Variants in CAMK1D observed in about 807,000 individuals in gnomAD.
CAMK1D encodes the protein calcium/calmodulin dependent protein kinase ID, also known as calcium/calmodulin-dependent protein kinase type 1D.
In CAMK1D, 9 loss-of-function variants were observed where a neutral mutation model predicts 47.7. The observed-to-expected ratio is 0.19, with a 90% CI of 0.11 to 0.33. The LOEUF is 0.33. Ranked by LOEUF, CAMK1D falls within the 10% of genes least tolerant of loss-of-function variation. The pLI is 1.00. For synonymous variants in CAMK1D, 184 were observed against 184.9 expected, an observed-to-expected ratio of 0.99 and a Z score of 0.04; for missense variants, 291 against 488.7, an observed-to-expected ratio of 0.60 and a Z score of 3.81.
At chr10:12,715,100 G>T (rs1017675034) in intron 3 of CAMK1D, among the ~76,000 whole-genome samples, 2 of 151,846 alleles carry the variant, frequency 1.3e-5, no homozygotes, top group Non-Finnish European at 2.9e-5. Flanking sequence ...CCCCTCAGAC[G>T]CCCCCTACAC....
chr10:12,771,765 G>A (rs879682055), intron 5 of CAMK1D, among the ~76,000 whole-genome samples: 5 of 152,344 alleles, frequency 3.3e-5, no homozygotes, highest in Non-Finnish European at 5.9e-5. Context: ...CAGGTGCAGT[G>A]GCTCACGCCT....
chr10:12,627,589 G>A (rs933367699), intron 2 of CAMK1D, among the ~76,000 whole-genome samples: 1 of 151,972 alleles, frequency 6.6e-6, no homozygotes, highest in Non-Finnish European at 1.5e-5. Context: ...TGATTTGTAT[G>A]GCCACATATT....
intron 1 of CAMK1D, among the ~76,000 whole-genome samples, chr10:12,492,347 C>CAAAAAAAA (rs71384332): frequency 9.1e-6 from 1 of 110,432 alleles, no homozygotes; most frequent in African/African-American, 3.6e-5. Context: ...CACCTCATCT[C>CAAAAAAAA]AAAAAAAAAA....
Position 12,518,606 on chromosome 10 carries a change from C to T in CAMK1D, c.93-34619C>T, listed in dbSNP as rs1218629472. ...CAGATAAACAAGTGAACAAAGGTCT[C>T]TGGTTTTCCTAGGCAGAGGACCCTG... On this transcript the variant is annotated intron_variant, in intron 1 of 10. Transcript: ENST00000619168. 2.1e-5 allele frequency among the ~76,000 whole-genome samples: 2 copies of T among 95,592 alleles called. 1 individual carries two copies. Among genetic ancestry groups the T allele is most frequent in the Non-Finnish European group, 4.5e-5 (2 of 44,554 alleles). 62.7% of individuals were successfully genotyped at this position (95,592 alleles called of 152,430 possible).
intron 2 of CAMK1D, among the ~76,000 whole-genome samples, chr10:12,647,368 C>T (rs1049582618): frequency 2.0e-5 from 3 of 151,964 alleles, no homozygotes; most frequent in East Asian, 1.9e-4. Flanking sequence ...AGGCTGGTCT[C>T]GAACTCTTGA....
chr10:12,692,630 A>G (rs1303636744), intron 3 of CAMK1D, among the ~76,000 whole-genome samples: 1 of 152,252 alleles, frequency 6.6e-6, no homozygotes, highest in Non-Finnish European at 1.5e-5. Context: ...CTTCATAGCC[A>G]AAACAATTTA....
intron 1 of CAMK1D, among the ~76,000 whole-genome samples, chr10:12,422,818 G>A (rs568185446): frequency 3.3e-5 from 5 of 151,880 alleles, no homozygotes; most frequent in African/African-American, 4.8e-5. Flanking sequence ...GATTACAGGC[G>A]CCTGCCACCA....
intron 1 of CAMK1D, among the ~76,000 whole-genome samples, chr10:12,372,401 T>A (rs2724771): frequency 6.6e-6 from 1 of 152,208 alleles, no homozygotes; most frequent in Admixed American, 6.5e-5. Context: ...TCTTGAAGAA[T>A]TGGGATTTGA....
At chr10:12,733,734 A>T (rs1286430866) in intron 3 of CAMK1D, among the ~76,000 whole-genome samples, 3 of 152,198 alleles carry the variant, frequency 2.0e-5, no homozygotes, top group Non-Finnish European at 4.4e-5. Context: ...AGGGCGTGTT[A>T]GCATTTCTTT....
intron 2 of CAMK1D, among the ~76,000 whole-genome samples, chr10:12,581,291 A>T (rs1420376493): frequency 6.6e-6 from 1 of 152,086 alleles, no homozygotes; most frequent in Non-Finnish European, 1.5e-5. Context: ...TCGTTGATTG[A>T]TGGGCATTTG....
intron 1 of CAMK1D, among the ~76,000 whole-genome samples, chr10:12,516,266 G>A (rs182080288): frequency 2.0e-5 from 3 of 152,096 alleles, no homozygotes; most frequent in Admixed American, 6.5e-5. Context: ...GCAGCACCAC[G>A]CCTGGCTAAT....
intron 3 of CAMK1D, among the ~76,000 whole-genome samples, chr10:12,678,180 C>T (rs776168470): frequency 2.0e-5 from 3 of 152,082 alleles, no homozygotes; most frequent in African/African-American, 7.2e-5. Context: ...TTGTAGCATT[C>T]CATACATTTT....
At chr10:12,564,141 C>G (rs1180034858) in intron 2 of CAMK1D, among the ~76,000 whole-genome samples, 31 of 95,290 alleles carry the variant, frequency 3.3e-4, no homozygotes, top group African/African-American at 1.1e-3. Flanking sequence ...CTCTCTCTCT[C>G]TCTCTGTCTC....
intron 1 of CAMK1D, among the ~76,000 whole-genome samples, chr10:12,417,736 A>T (rs917531146): frequency 1.3e-5 from 2 of 151,532 alleles, no homozygotes; most frequent in Non-Finnish European, 2.9e-5. Context: ...GAGTGGCTAC[A>T]CTCTTATGTG....
rs374236264 is a variant in CAMK1D at position 12,701,237 on chromosome 10, C to T, written c.299+34427C>T. 3.2e-4 allele frequency among the ~76,000 whole-genome samples: 49 copies of T among 152,126 alleles called. No homozygotes were observed. In the East Asian group the frequency reaches 3.3e-3, roughly 10 times the overall value. On this transcript the variant is annotated intron_variant, in intron 3 of 10. Coordinates refer to ENST00000619168, the MANE Select transcript of CAMK1D (RefSeq NM_153498.4). ...AAGCGATTCTTCTGCCTCAGTCTCCCGAGTAGCTGGGATCTCATACATTAT... is the reference window on the plus strand; with the variant it reads ...AAGCGATTCTTCTGCCTCAGTCTCCTGAGTAGCTGGGATCTCATACATTAT...
At chr10:12,569,244 T>G (rs1434672087) in intron 2 of CAMK1D, among the ~76,000 whole-genome samples, 2 of 152,226 alleles carry the variant, frequency 1.3e-5, no homozygotes, top group African/African-American at 4.8e-5. Flanking sequence ...TTGCATAAAT[T>G]GTAGTTATTT....
At chr10:12,471,062 C>T (rs972515127) in intron 1 of CAMK1D, among the ~76,000 whole-genome samples, 3 of 152,112 alleles carry the variant, frequency 2.0e-5, no homozygotes, top group African/African-American at 7.2e-5. Context: ...TGTCTTTTTC[C>T]CACATTATTT....
chr10:12,556,767 G>T (rs1159060112), intron 2 of CAMK1D, among the ~76,000 whole-genome samples: 1 of 152,204 alleles, frequency 6.6e-6, no homozygotes, highest in African/African-American at 2.4e-5. Flanking sequence ...GATGAAAGGA[G>T]CAACATGATC....
intron 1 of CAMK1D, among the ~76,000 whole-genome samples, chr10:12,381,334 A>C (rs1252201457): frequency 1.4e-5 from 2 of 147,416 alleles, no homozygotes; most frequent in Non-Finnish European, 3.0e-5. Flanking sequence ...AGAAAATCAT[A>C]ATGCTTTCTT....
Sources: allele counts gnomAD v4.1 joint callset (sites outside exome capture counted in the v4.1 genomes callset), GRCh38; gene constraint gnomAD v4.1.1; transcripts MANE v1.5; gene names NCBI Gene and HGNC (gene_info 2026-07-23, HGNC 2026-07-21).